The following ADK variants were observed in gnomAD, a reference collection of about 807,000 sequenced individuals.
The protein encoded by ADK is adenosine kinase, also known as N6,N6-dimethyladenosine kinase.
In ADK, 24 loss-of-function variants were observed where a neutral mutation model predicts 44.7. The ratio of observed to expected loss-of-function variants is 0.54; its 90% CI spans 0.39 to 0.76. The LOEUF (loss-of-function observed/expected upper bound fraction) is 0.76, where lower values mean the gene tolerates loss of function less well. Among genes scored for constraint, ADK ranks in the 30% least tolerant of loss-of-function variants. ADK has a pLI of 0.00. For missense variants in ADK, 321 were observed against 425.1 expected (o/e 0.76, Z 2.15); for synonymous variants, 128 against 142.6 (o/e 0.90, Z 0.73).
At chr10:74,178,618 C>G (rs1169911025) in intron 1 of ADK, among the ~76,000 whole-genome samples, 1 of 152,184 alleles carries the variant, frequency 6.6e-6, no homozygotes, top group Non-Finnish European at 1.5e-5. Flanking sequence ...TAATAAGTGA[C>G]AGCAGGATGT....
chr10:74,666,351 GAC>G (rs1423659879), intron 9 of ADK, among the ~76,000 whole-genome samples: 1 of 152,136 alleles, frequency 6.6e-6, no homozygotes, highest in Admixed American at 6.6e-5. Context: ...TCTAATAAAT[GAC>G]ACAAAACAAA....
At chr10:74,304,068 T>C (rs7079178) in intron 3 of ADK, among the ~76,000 whole-genome samples, 2 of 152,198 alleles carry the variant, frequency 1.3e-5, no homozygotes, top group African/African-American at 2.4e-5. Flanking sequence ...CATTGTTATG[T>C]GATTCATATT....
chr10:74,595,508 C>T (rs1307545107), intron 8 of ADK, among the ~76,000 whole-genome samples: 1 of 147,356 alleles, frequency 6.8e-6, no homozygotes. Flanking sequence ...TCCCGAGTAG[C>T]TGGGACTACA....
intron 6 of ADK, among the ~76,000 whole-genome samples, chr10:74,460,489 AT>A (rs909696505): frequency 6.6e-6 from 1 of 152,150 alleles, no homozygotes; most frequent in African/African-American, 2.4e-5. Context: ...AAAGATTGTC[AT>A]TTTTCAGGTG....
chr10:74,479,872 G>T (rs1171076296), intron 6 of ADK, among the ~76,000 whole-genome samples: 1 of 151,670 alleles, frequency 6.6e-6, no homozygotes, highest in Non-Finnish European at 1.5e-5. Context: ...CTTCTACTTT[G>T]TCAGAATATG....
intron 6 of ADK, among the ~76,000 whole-genome samples, chr10:74,450,792 G>A (rs1314737961): frequency 2.6e-5 from 4 of 152,172 alleles, no homozygotes; most frequent in Admixed American, 2.6e-4. Flanking sequence ...GAAAGCAGCT[G>A]TAGTTTTATC....
At chr10:74,600,534 A>G in intron 9 of ADK, 41 bp downstream of exon 9, 1 of 1,355,870 alleles carries the variant, frequency 7.4e-7, no homozygotes, top group South Asian at 1.3e-5. Context: ...TATTATGGAG[A>G]TTAATCAATT....
At chr10:74,426,524 G>T (rs945096700) in intron 6 of ADK, among the ~76,000 whole-genome samples, 2 of 152,066 alleles carry the variant, frequency 1.3e-5, no homozygotes, top group African/African-American at 4.8e-5. Context: ...TGTCATACAA[G>T]AAAAAGGGAG....
chr10:74,427,817 ATAG>A (rs1198525870), intron 6 of ADK, among the ~76,000 whole-genome samples: 1 of 152,110 alleles, frequency 6.6e-6, no homozygotes. Context: ...CGAAGTCACA[ATAG>A]TAGTGACACA....
intron 1 of ADK, among the ~76,000 whole-genome samples, chr10:74,166,192 G>A (rs1430210959): frequency 6.6e-6 from 1 of 152,162 alleles, no homozygotes; most frequent in Non-Finnish European, 1.5e-5. Context: ...TGCCCGCCTC[G>A]GCCTCCCAAA....
At chr10:74,476,892 T>C (rs1846870171) in intron 6 of ADK, among the ~76,000 whole-genome samples, 1 of 152,316 alleles carries the variant, frequency 6.6e-6, no homozygotes, top group East Asian at 1.9e-4. Context: ...AATTATAAAA[T>C]ATGTAGACTA....
chr10:74,354,077 T>A (rs1165571072), intron 4 of ADK, among the ~76,000 whole-genome samples: 1 of 152,226 alleles, frequency 6.6e-6, no homozygotes, highest in Non-Finnish European at 1.5e-5. Context: ...CAAATTGGTA[T>A]ACGAATTATA....
chr10:74,172,007 G>C (rs1035042235), intron 1 of ADK, among the ~76,000 whole-genome samples: 1 of 152,012 alleles, frequency 6.6e-6, no homozygotes, highest in Non-Finnish European at 1.5e-5. Flanking sequence ...CCTCTTTCTT[G>C]AAATAATATT....
chr10:74,688,950 TTAAAA>T (rs1281469128), intron 10 of ADK, among the ~76,000 whole-genome samples: 1 of 149,000 alleles, frequency 6.7e-6, no homozygotes, highest in Non-Finnish European at 1.5e-5. Context: ...TTAGTATCAC[TTAAAA>T]TAAAGGATGC....
rs113603078 is a variant in ADK, at chr10:74,382,954, T to C, written c.274-11187T>C. Among the ~76,000 whole-genome samples, 791 of 151,536 alleles carry C rather than the reference T, an allele frequency of 5.2e-3. 12 individuals carry two copies. The highest frequency in any genetic ancestry group is 0.017 in the African/African-American group (702 of 41,244). On this transcript the variant is annotated intron_variant, in intron 4 of 10. Coordinates refer to ENST00000539909, the MANE Select transcript of ADK (RefSeq NM_006721.4). ...CAATTTCAGGATGTTTATTGGATTT[T>C]CCCCCCCTCCTCTCACACATACCCT...
chr10:74,261,209 C>G (rs544172493), intron 3 of ADK, among the ~76,000 whole-genome samples: 1 of 152,238 alleles, frequency 6.6e-6, no homozygotes, highest in East Asian at 1.9e-4. Flanking sequence ...CCTTTCCCAC[C>G]ACATTATTTA....
At chr10:74,551,051 C>T (rs1850019145) in intron 7 of ADK, among the ~76,000 whole-genome samples, 1 of 152,038 alleles carries the variant, frequency 6.6e-6, no homozygotes, top group Non-Finnish European at 1.5e-5. Context: ...TGAAGACAAG[C>T]TTGTATACAA....
intron 9 of ADK, among the ~76,000 whole-genome samples, chr10:74,633,781 T>C (rs773513629): frequency 6.6e-6 from 1 of 152,188 alleles, no homozygotes; most frequent in African/African-American, 2.4e-5. Context: ...AGAATGGCCT[T>C]GAGTACATTT....
intron 1 of ADK, among the ~76,000 whole-genome samples, chr10:74,161,733 T>A (rs1841904404): frequency 6.7e-6 from 1 of 148,946 alleles, no homozygotes; most frequent in African/African-American, 2.5e-5. Flanking sequence ...GATGAGGGGG[T>A]CTTGCTGTGT....
Sources: allele counts gnomAD v4.1 joint callset (sites outside exome capture counted in the v4.1 genomes callset), GRCh38; gene constraint gnomAD v4.1.1; transcripts MANE v1.5; gene names NCBI Gene and HGNC (gene_info 2026-07-23, HGNC 2026-07-21).